CARD9: variants seen among roughly 807,000 people sequenced by gnomAD.
CARD9 encodes the protein caspase recruitment domain family member 9.
Under a neutral mutation model 66.0 loss-of-function variants are expected in CARD9, and 53 were observed. The observed-to-expected ratio is 0.80, with a 90% CI of 0.64 to 1.01. The LOEUF (loss-of-function observed/expected upper bound fraction) is 1.01. CARD9 is among the 50% of genes least tolerant of loss of function. The pLI is 0.00. For missense variants in CARD9, 769 were observed against 743.2 expected (o/e 1.03, Z -0.40); for synonymous variants, 387 against 313.8 (o/e 1.23, Z -2.47).
chr9:136,364,581 G>T, intron 11 of CARD9, 22 bp from the exon 12 acceptor site: 2 of 1,532,984 alleles, frequency 1.3e-6, no homozygotes, highest in Non-Finnish European at 1.7e-6. Flanking sequence ...GGAAGGCTCG[G>T]GCTCCGGCCG....
Position 136,370,881 on chromosome 9 carries a change from T to C in CARD9, c.587A>G (p.Lys196Arg). ...ACGGTTCCGCATGAGCGCGGCGCCC[T>C]TCTCCTCACTCTGGTGCGCCAGGCG... ...AMRLAHQSEE[K>R]GAALMRNRDL... Residue 196 changes from lysine to arginine, a missense_variant, in exon 4 of 13, where the codon AAG becomes AGG. Coordinates refer to ENST00000371732, the MANE Select transcript of CARD9 (RefSeq NM_052813.5). 1 of 1,606,284 alleles carries C rather than the reference T, an allele frequency of 6.2e-7. No individual in the cohort carries two copies. Among genetic ancestry groups the C allele is most frequent in the Non-Finnish European group, 8.5e-7 (1 of 1,175,038 alleles).
At chr9:136,371,173 G>A (rs750524936) in intron 3 of CARD9, 28 bp from the exon 4 acceptor site, 13 of 1,610,070 alleles carry the variant, frequency 8.1e-6, no homozygotes, top group Non-Finnish European at 1.1e-5. Context: ...GTCAGATGGT[G>A]CCGTGTTCCC....
In CARD9 at chr9:136,364,122, C is replaced by T. The variant is rs1588718589; in HGVS notation, c.*180G>A. The T allele has an allele frequency of 6.4e-7, 1 of 1,550,442 alleles. No individual in the cohort carries two copies. Among genetic ancestry groups the T allele is most frequent in the African/African-American group, 1.4e-5 (1 of 73,058 alleles). Reference sequence around the variant, plus strand: ...CGCATGGCCTCCGCAAAATGAGTGCCGCTTAACAAACGGCCCCAATGCCCG... The same window carrying T: ...CGCATGGCCTCCGCAAAATGAGTGCTGCTTAACAAACGGCCCCAATGCCCG... On this transcript the variant is annotated 3_prime_UTR_variant, in exon 13 of 13. Transcript: ENST00000371732.
rs996948091 is a variant in CARD9, at chr9:136,364,329, G to A, written c.1584C>T (p.Ser528=). ...GEEDRENTTG[S]DNTDTEGS The stretch of plus-strand genomic sequence containing the variant: ...AGGAGCCCTCAGTGTCGGTGTTGTC[G>A]CTGCCCGTGGTGTTCTCCCGGTCCT... The change falls in exon 13 of 13, where the codon AGC becomes AGT. Residue 528 remains serine (S), a synonymous_variant. Coordinates refer to ENST00000371732, the MANE Select transcript of CARD9 (RefSeq NM_052813.5). 8 of 1,564,490 alleles carry A rather than the reference G, an allele frequency of 5.1e-6. No individual in the cohort carries two copies. In the African/African-American group the frequency reaches 9.5e-5, roughly 19 times the overall value.
rs202143480 is a variant in CARD9, at chr9:136,370,543, C to T, written c.786G>A (p.Gln262=). 16 of 1,604,470 alleles carry T rather than the reference C, an allele frequency of 1.0e-5. No individual in the cohort carries two copies. In the East Asian group the frequency reaches 3.4e-4, roughly 34 times the overall value. The part of the protein sequence containing the change: ...QEKALLQARV[Q]ELEASVQEGK... ...CCACCTGGACGGAGGCCTCCAGCTCCTGCACCCGGGCCTGGAGCAGGGCCT... is the reference window on the plus strand; with the variant it reads ...CCACCTGGACGGAGGCCTCCAGCTCTTGCACCCGGGCCTGGAGCAGGGCCT... Residue 262 remains glutamine, a synonymous_variant, in exon 5 of 13, where the codon CAG becomes CAA. Coordinates refer to ENST00000371732, the MANE Select transcript of CARD9 (RefSeq NM_052813.5).
At chr9:136,366,623 G>A (rs1833130268) in intron 10 of CARD9, 177 bp downstream of exon 10, 2 of 703,346 alleles carry the variant, frequency 2.8e-6, no homozygotes, top group Admixed American at 2.1e-5. Flanking sequence ...GGGCTCTGTA[G>A]TTTGTTCTCT....
chr9:136,373,416 C>T (rs1833322352), intron 1 of CARD9, 116 bp downstream of exon 1: 1 of 824,358 alleles, frequency 1.2e-6, no homozygotes, highest in Non-Finnish European at 1.5e-6. Flanking sequence ...ATGGCGGAGG[C>T]TGCCTGGCTG....
intron 9 of CARD9, 60 bp downstream of exon 9, chr9:136,367,156 G>T: frequency 6.4e-7 from 1 of 1,556,634 alleles, no homozygotes; most frequent in Non-Finnish European, 8.8e-7. Flanking sequence ...CCTGGTGGCA[G>T]CTCAGCCAGG....
In CARD9 at chr9:136,370,603, G is replaced by A; in HGVS notation, c.726C>T (p.Pro242=). Residue 242 remains proline, a synonymous_variant, in exon 5 of 13, where the codon CCC becomes CCT. Coordinates refer to ENST00000371732, the MANE Select transcript of CARD9 (RefSeq NM_052813.5). ...GCAGCTCCCACAGCAGCTCCTGGCT[G>A]GGCCGCTGCTCCATGGCGTGCCTGA... ...LKLRHAMEQR[P]SQELLWELQQ... 6.2e-7 allele frequency: 1 copy of A among 1,612,590 alleles called. No individual in the cohort carries two copies. Among genetic ancestry groups the A allele is most frequent in the Non-Finnish European group, 8.5e-7 (1 of 1,179,878 alleles).
chr9:136,368,709 T>C (rs981963158), intron 7 of CARD9, among the ~76,000 whole-genome samples: 4 of 152,228 alleles, frequency 2.6e-5, no homozygotes, highest in Non-Finnish European at 5.9e-5. Context: ...CTGGAGGCCT[T>C]GCAGGCCTCA....
rs1357502344 is a variant in CARD9, at chr9:136,364,524, C to T, written c.1470G>A (p.Lys490=). 1.1e-5 allele frequency: 17 copies of T among 1,539,130 alleles called. No homozygotes were observed. Among genetic ancestry groups the T allele is most frequent in the Non-Finnish European group, 1.5e-5 (17 of 1,146,842 alleles). Residue 490 remains lysine (K), a synonymous_variant, in exon 12 of 13, where the codon AAG becomes AAA. Transcript: ENST00000371732. ...AGLSSGEPPE[K]ERRRLKESFE... ...AACTCTCTTTGAGGCGCCGCCGCTC[C>T]TTCTCGGGCGGCTCCCCGCTGCTCA...
At chr9:136,367,389 T>C (rs973562603) in intron 8 of CARD9, 132 bp from the exon 9 acceptor site, 2 of 1,117,944 alleles carry the variant, frequency 1.8e-6, no homozygotes, top group Admixed American at 4.1e-5. Flanking sequence ...GCCCCCTCCA[T>C]GCCCAGAACA....
At position 136,371,111 on chromosome 9, in the gene CARD9, C is replaced by T. The variant is rs2131444369; in HGVS notation, c.357G>A (p.Leu119=). ...TCTGCAGCTTCATGACCTCAGTCAT[C>T]AGCAGCTGAGTCAGGCCTGACTCCC... ...ASGESGLTQL[L]MTEVMKLQKK... The change falls in exon 4 of 13, where the codon CTG becomes CTA. Residue 119 remains leucine, a synonymous_variant. Transcript: ENST00000371732. The T allele has an allele frequency of 1.2e-6, 2 of 1,612,624 alleles. No homozygotes were observed. Among genetic ancestry groups the T allele is most frequent in the Middle Eastern group, 3.3e-4 (2 of 6,060 alleles).
At chr9:136,372,732 T>G (rs1020084313) in intron 1 of CARD9, among the ~76,000 whole-genome samples, 4 of 152,210 alleles carry the variant, frequency 2.6e-5, no homozygotes, top group African/African-American at 9.6e-5. Flanking sequence ...CACCCAGCCC[T>G]GCTGCAGCTG....
rs534010460 is a variant in CARD9, at chr9:136,364,013, C to T, written c.*289G>A. On this transcript the variant is annotated 3_prime_UTR_variant, in exon 13 of 13. Coordinates refer to ENST00000371732, the MANE Select transcript of CARD9 (RefSeq NM_052813.5). ...TGTGTTTTCTAACACTAATACAATGCATGCATGTATTGTGTGTTACATGGT... is the reference window on the plus strand; with the variant it reads ...TGTGTTTTCTAACACTAATACAATGTATGCATGTATTGTGTGTTACATGGT... 92 of 1,330,040 alleles carry T rather than the reference C, an allele frequency of 6.9e-5. No individual in the cohort carries two copies. The East Asian group carries it at 2.1e-3, about 30-fold the overall frequency. 82.4% of individuals were successfully genotyped at this position (1,330,040 alleles called of 1,614,324 possible). A position where few individuals can be genotyped will look rare whatever the true frequency, so the allele number is the denominator to read the frequency against.
At position 136,364,402 on chromosome 9, in the gene CARD9, C is replaced by T; in HGVS notation, c.1512-1G>A. On this transcript the variant is annotated splice_acceptor_variant, in intron 12 of 12. Transcript: ENST00000371732. LOFTEE classifies it high-confidence loss of function. ...CTGCATCTTCCTGAGGGCGCGCTTC[C>T]TGTGAAGACAGGTGTCTCAGGCGCG... The T allele has an allele frequency of 6.4e-7, 1 of 1,551,410 alleles. No individual in the cohort carries two copies. Among genetic ancestry groups the T allele is most frequent in the Non-Finnish European group, 8.7e-7 (1 of 1,150,786 alleles).
chr9:136,363,987 C>G lies in CARD9; in HGVS notation c.*315G>C, dbSNP rs548414824. 8.3e-7 allele frequency: 1 copy of G among 1,200,764 alleles called. No individual in the cohort carries two copies. The highest frequency in any genetic ancestry group is 2.5e-5 in the East Asian group (1 of 39,392). 74.4% of individuals were successfully genotyped at this position (1,200,764 alleles called of 1,614,324 possible). A position where few individuals can be genotyped will look rare whatever the true frequency, so the allele number is the denominator to read the frequency against. On this transcript the variant is annotated 3_prime_UTR_variant, in exon 13 of 13. Coordinates refer to ENST00000371732, the MANE Select transcript of CARD9 (RefSeq NM_052813.5). ...TCACCCGTGCTGTTTATTTACGCAG[C>G]TGTGTTTTCTAACACTAATACAATG...
rs372312986 is a variant in CARD9, at chr9:136,371,861, G to T, written c.184+34C>A. 27 of 1,570,046 alleles carry T rather than the reference G, an allele frequency of 1.7e-5. No homozygotes were observed. The East Asian group carries it at 6.1e-4, about 35-fold the overall frequency. On this transcript the variant is annotated intron_variant, in intron 2 of 12. Coordinates refer to ENST00000371732, the MANE Select transcript of CARD9 (RefSeq NM_052813.5). ...ACCTCCGAGCTGACTCTGTGGTTGG[G>T]TTTGGGGCCTGGGGCCCGCGGGGCA...
At chr9:136,366,699 G>A (rs1693378598) in intron 10 of CARD9, 101 bp downstream of exon 10, 1 of 1,266,578 alleles carries the variant, frequency 7.9e-7, no homozygotes, top group Non-Finnish European at 1.2e-6. Flanking sequence ...GGGGGTTGTG[G>A]GGGTTGACAC....
Sources: allele counts gnomAD v4.1 joint callset (sites outside exome capture counted in the v4.1 genomes callset), GRCh38; gene constraint gnomAD v4.1.1; transcripts MANE v1.5; gene names NCBI Gene and HGNC (gene_info 2026-07-23, HGNC 2026-07-21).